Variants in TFPI observed in about 807,000 individuals in gnomAD.
TFPI encodes the protein anti-convertin.
TFPI carries 15 observed loss-of-function variants against 34.6 expected under a neutral mutation model. The ratio of observed to expected loss-of-function variants is 0.43; its 90% CI spans 0.29 to 0.67. The LOEUF is 0.67. Among genes scored for constraint, TFPI ranks in the 30% least tolerant of loss-of-function variants. TFPI has a pLI of 0.15. For missense variants in TFPI, 301 were observed against 364.0 expected, an observed-to-expected ratio of 0.83 and a Z score of 1.41; for synonymous variants, 105 against 120.1, an observed-to-expected ratio of 0.87 and a Z score of 0.82.
At chr2:187,498,071 G>A (rs1413573769) in intron 2 of TFPI, among the ~76,000 whole-genome samples, 4 of 151,730 alleles carry the variant, frequency 2.6e-5, no homozygotes, top group Non-Finnish European at 1.5e-5. Flanking sequence ...CTAGAGGGCA[G>A]CAGTATTATA....
chr2:187,515,857 C>T (rs1392063882), intron 1 of TFPI: 1 of 152,042 alleles, frequency 6.6e-6, no homozygotes, highest in Non-Finnish European at 1.5e-5. Context: ...TGTGCTATAA[C>T]CCATCCTTTT....
At chr2:187,476,106 T>C (rs1160906310) in intron 6 of TFPI, among the ~76,000 whole-genome samples, 2 of 152,160 alleles carry the variant, frequency 1.3e-5, no homozygotes, top group Non-Finnish European at 2.9e-5. Context: ...GTTGGCATGG[T>C]CAACAGGGAC....
At chr2:187,521,503 G>C (rs770924230) in intron 1 of TFPI, among the ~76,000 whole-genome samples, 8 of 152,044 alleles carry the variant, frequency 5.3e-5, no homozygotes, top group Non-Finnish European at 4.4e-5. Flanking sequence ...TAATTTTTGA[G>C]AAACCTTCAT....
chr2:187,525,036 G>A (rs1470931001), intron 1 of TFPI, among the ~76,000 whole-genome samples: 1 of 151,134 alleles, frequency 6.6e-6, no homozygotes, highest in Non-Finnish European at 1.5e-5. Context: ...GTGAAAGAGA[G>A]GTCAATGTTC....
chr2:187,531,635 T>A (rs1362184026), intron 1 of TFPI, among the ~76,000 whole-genome samples: 1 of 152,114 alleles, frequency 6.6e-6, no homozygotes, highest in African/African-American at 2.4e-5. Context: ...AAAAATTTTA[T>A]TTTTCCTCAT....
intron 1 of TFPI, among the ~76,000 whole-genome samples, chr2:187,509,421 C>G (rs1686462566): frequency 6.6e-6 from 1 of 152,142 alleles, no homozygotes; most frequent in Non-Finnish European, 1.5e-5. Flanking sequence ...GTGAATCTGT[C>G]TGATCCTGGG....
chr2:187,507,070 C>A (rs527255972), intron 1 of TFPI, among the ~76,000 whole-genome samples: 1 of 152,058 alleles, frequency 6.6e-6, no homozygotes, highest in Non-Finnish European at 1.5e-5. Flanking sequence ...CCTCCCACCC[C>A]CTGACAGACC....
At chr2:187,537,737 TGGGA>T (rs1688341683) in intron 1 of TFPI, among the ~76,000 whole-genome samples, 1 of 151,894 alleles carries the variant, frequency 6.6e-6, no homozygotes, top group Non-Finnish European at 1.5e-5. Context: ...AATTGACAAA[TGGGA>T]TCTAATTAAA....
chr2:187,543,742 G>C (rs755566368), intron 1 of TFPI, among the ~76,000 whole-genome samples: 1 of 152,128 alleles, frequency 6.6e-6, no homozygotes, highest in Non-Finnish European at 1.5e-5. Flanking sequence ...ATCTCTATAT[G>C]AACTCTGGCT....
chr2:187,552,620 A>G (rs1689135811), intron 1 of TFPI, among the ~76,000 whole-genome samples: 1 of 152,056 alleles, frequency 6.6e-6, no homozygotes, highest in Admixed American at 6.6e-5. Flanking sequence ...AACATAATCC[A>G]TTTGGACAGG....
chr2:187,538,622 A>T (rs1220480311), intron 1 of TFPI, among the ~76,000 whole-genome samples: 3 of 152,150 alleles, frequency 2.0e-5, no homozygotes, highest in Non-Finnish European at 4.4e-5. Flanking sequence ...GCATTAGGAG[A>T]AATACCTAAT....
rs1693065552 is a variant in TFPI at position 187,483,976 on chromosome 2, T to C, written c.628+148A>G. 3 of 665,228 alleles carry C rather than the reference T, an allele frequency of 4.5e-6. No homozygotes were observed. The African/African-American group carries it at 5.6e-5, about 12-fold the overall frequency. 41.2% of individuals were successfully genotyped at this position (665,228 alleles called of 1,614,324 possible). On this transcript the variant is annotated intron_variant, in intron 6 of 7. Transcript: ENST00000233156. ...TTATGAGATTAAATGTCTTAAACAATTTGAATCTCAGTATTTCAACAAACA... is the reference window on the plus strand; with the variant it reads ...TTATGAGATTAAATGTCTTAAACAACTTGAATCTCAGTATTTCAACAAACA...
chr2:187,496,651 A>G (rs1044173986), intron 3 of TFPI, among the ~76,000 whole-genome samples: 1 of 152,132 alleles, frequency 6.6e-6, no homozygotes, highest in Non-Finnish European at 1.5e-5. Context: ...TCTCGGGCAT[A>G]TAGAGAGTTT....
rs1481913245 is a variant in TFPI at position 187,475,306 on chromosome 2, G to A, written c.629-7374C>T. On this transcript the variant is annotated intron_variant, in intron 6 of 7. Transcript: ENST00000233156. The stretch of plus-strand genomic sequence containing the variant: ...TATAAGATCCAAAGACAAAAAATAT[G>A]TATAATTATGTTTGAATTTTCAAGT... Among the ~76,000 whole-genome samples, 4 of 152,028 alleles carry A rather than the reference G, an allele frequency of 2.6e-5. No homozygotes were observed. In the East Asian group the frequency reaches 5.8e-4, roughly 22 times the overall value.
chr2:187,478,479 G>A (rs946613327), intron 6 of TFPI: 17 of 697,626 alleles, frequency 2.4e-5, no homozygotes, highest in Non-Finnish European at 2.9e-5. Flanking sequence ...GAATAGTTAG[G>A]TCCGGTCAAA....
intron 6 of TFPI, among the ~76,000 whole-genome samples, chr2:187,477,834 G>A (rs1009229065): frequency 6.6e-6 from 1 of 152,076 alleles, no homozygotes; most frequent in Admixed American, 6.6e-5. Flanking sequence ...TATGTCTGGA[G>A]GTCATACATT....
At chr2:187,548,480 A>G (rs938930499) in intron 1 of TFPI, among the ~76,000 whole-genome samples, 76 of 152,112 alleles carry the variant, frequency 5.0e-4, no homozygotes, top group African/African-American at 1.4e-3. Flanking sequence ...GCTCCCTTCT[A>G]AAGTGCAAGT....
At chr2:187,546,487 G>A (rs1688871755) in intron 1 of TFPI, among the ~76,000 whole-genome samples, 1 of 150,702 alleles carries the variant, frequency 6.6e-6, no homozygotes, top group South Asian at 2.1e-4. Flanking sequence ...AGGTTTTCAA[G>A]AATAAAATTC....
intron 1 of TFPI, among the ~76,000 whole-genome samples, chr2:187,521,422 ACT>A (rs150854428): frequency 0.017 from 2,536 of 151,932 alleles, 83 homozygotes; most frequent in African/African-American, 0.058. Context: ...TCTTTTCAAG[ACT>A]CTGATTTTAA....
Sources: gnomAD v4.1 joint callset for allele counts (sites outside exome capture counted in the v4.1 genomes callset) on GRCh38, gnomAD v4.1.1 for gene constraint, MANE v1.5 for transcripts, NCBI Gene and HGNC (gene_info 2026-07-23, HGNC 2026-07-21) for gene names.